The following BNIP2 variants were observed in gnomAD, a reference collection of about 807,000 sequenced individuals.
The protein encoded by BNIP2 is BCL2 interacting protein 2.
BNIP2 carries 36 observed loss-of-function variants against 43.4 expected under a neutral mutation model. That is an observed-to-expected ratio of 0.83 (90% CI 0.64 to 1.10). The LOEUF is 1.10. Ranked by LOEUF, BNIP2 falls within the 50% of genes least tolerant of loss-of-function variation. BNIP2 has a pLI of 0.00. For synonymous variants in BNIP2, 146 were observed against 121.0 expected (o/e 1.21, Z -1.35); for missense variants, 417 against 374.1 (o/e 1.11, Z -0.95).
intron 7 of BNIP2, 108 bp downstream of exon 7, chr15:59,671,073 CAA>C (rs56337803): frequency 6.4e-4 from 526 of 821,942 alleles, no homozygotes; most frequent in East Asian, 1.7e-3. Flanking sequence ...AACTCCGTCT[CAA>C]AAAAAAAAAA....
chr15:59,688,891 G>C, intron 1 of BNIP2: 1 of 1,477,268 alleles, frequency 6.8e-7, no homozygotes, highest in Non-Finnish European at 8.9e-7. Flanking sequence ...ACGGAAAAGC[G>C]ACGGGGTGGG....
Position 59,662,385 on chromosome 15 carries a change from C to T in BNIP2, c.*1684G>A, listed in dbSNP as rs184740343. The stretch of plus-strand genomic sequence containing the variant: ...TCCTAAAATGTGAGCAAGCAATAAT[C>T]GTTTTGGCTCAATTCACTGTAATGA... On this transcript the variant is annotated 3_prime_UTR_variant, in exon 10 of 10. Transcript: ENST00000607373. The T allele has an allele frequency of 6.6e-6, 1 of 152,182 alleles. No individual in the cohort carries two copies. Among genetic ancestry groups the T allele is most frequent in the Non-Finnish European group, 1.5e-5 (1 of 68,042 alleles). The allele number at this position is 152,182 out of a possible 1,614,324, so 9.4% of individuals were successfully genotyped here.
chr15:59,680,976 T>C lies in BNIP2; in HGVS notation c.51-668A>G, dbSNP rs6151500. On this transcript the variant is annotated intron_variant, in intron 2 of 9. Transcript: ENST00000607373. ...TATAAGTAACACATAAAAGTAGATA[T>C]AAATTCCTTATGCAACAGCTCTTAT... Among the ~76,000 whole-genome samples the C allele has an allele frequency of 3.6e-3, 541 of 152,344 alleles. 1 individual carries two copies. The highest frequency in any genetic ancestry group is 0.012 in the African/African-American group (511 of 41,578).
rs545873610 is a variant in BNIP2 at position 59,680,958 on chromosome 15, AAC to A, written c.51-652_51-651del. Among the ~76,000 whole-genome samples the A allele has an allele frequency of 3.1e-3, 467 of 152,358 alleles. 3 individuals are homozygous for A. The highest frequency in any genetic ancestry group is 5.1e-3 in the Non-Finnish European group (346 of 68,032). The stretch of plus-strand genomic sequence containing the variant: ...ACTTATACACTTATTATATATAAGT[AAC>A]ACATAAAAGTAGATATAAATTCCTT... On this transcript the variant is annotated intron_variant, in intron 2 of 9. Transcript: ENST00000607373.
intron 7 of BNIP2, 97 bp from the exon 8 acceptor site, chr15:59,669,459 C>T (rs565344801): frequency 1.1e-6 from 1 of 872,372 alleles, no homozygotes; most frequent in African/African-American, 1.8e-5. Context: ...GTTGAAAAAT[C>T]TCACCCAAAA....
intron 4 of BNIP2, chr15:59,678,857 A>T (rs1182521478): frequency 7.7e-6 from 10 of 1,302,850 alleles, no homozygotes; most frequent in African/African-American, 3.0e-5. Context: ...TAAAGAAAGA[A>T]GAGACAAAAC....
chr15:59,680,562 C>T (rs180773638), intron 2 of BNIP2, among the ~76,000 whole-genome samples: 194 of 152,186 alleles, frequency 1.3e-3, no homozygotes, highest in African/African-American at 4.4e-3. Context: ...GTGCGTGCCA[C>T]GACGCTTGGC....
chr15:59,670,172 G>A (rs563639734), intron 7 of BNIP2, among the ~76,000 whole-genome samples: 38 of 152,356 alleles, frequency 2.5e-4, no homozygotes, highest in African/African-American at 9.1e-4. Context: ...GCTCATGCCT[G>A]TAATCCTAGC....
chr15:59,665,047 C>CTT (rs1454836475), intron 9 of BNIP2, among the ~76,000 whole-genome samples: 1 of 151,922 alleles, frequency 6.6e-6, no homozygotes, highest in Non-Finnish European at 1.5e-5. Context: ...GGGTGGATCA[C>CTT]GAGGTCAGGA....
At chr15:59,683,727 G>A (rs1183537079) in intron 1 of BNIP2, among the ~76,000 whole-genome samples, 1 of 152,190 alleles carries the variant, frequency 6.6e-6, no homozygotes, top group Admixed American at 6.5e-5. Flanking sequence ...GCTGAGGCAG[G>A]AGAATCGCTT....
intron 2 of BNIP2, among the ~76,000 whole-genome samples, 161 bp from the exon 3 acceptor site, chr15:59,680,469 C>A (rs552293599): frequency 5.0e-4 from 76 of 152,100 alleles, no homozygotes; most frequent in African/African-American, 1.6e-3. Flanking sequence ...GTCACCTAGG[C>A]TGGAATACAA....
chr15:59,688,962 G>C (rs1894205607), intron 1 of BNIP2, 173 bp downstream of exon 1: 3 of 1,441,658 alleles, frequency 2.1e-6, no homozygotes, highest in Non-Finnish European at 1.8e-6. Flanking sequence ...AGCAGGGCGG[G>C]GATCCAGGAA....
rs6151475 is a variant in BNIP2, at chr15:59,683,477, A to G, written c.-57-963T>C. ...CTTTTCTTTTTGCAGTAACATATTT[A>G]AGAGATACGGAGCATCACTAGCAGT... On this transcript the variant is annotated intron_variant, in intron 1 of 9. Transcript: ENST00000607373. 4.1e-3 allele frequency among the ~76,000 whole-genome samples: 627 copies of G among 152,328 alleles called. 2 individuals carry two copies. The highest frequency in any genetic ancestry group is 5.7e-3 in the Non-Finnish European group (388 of 68,034).
chr15:59,669,360 A>C lies in BNIP2; in HGVS notation c.710T>G (p.Leu237Ter). The change falls in exon 8 of 10, where the codon TTA becomes TGA. Residue 237 changes from leucine (L) to a stop codon, truncating the protein, a stop_gained and splice_region_variant. Transcript: ENST00000607373. LOFTEE classifies it high-confidence loss of function. The stretch of plus-strand genomic sequence containing the variant: ...GATTAGGGATTTTAGATTTTTCCGT[A>C]ACCTGGAGTTTAAAAAAAAAACACA... ...RKCYQQIDRRLRKNLKSLIIV... is the reference protein window; with the variant it reads ...RKCYQQIDRR 2 of 1,507,218 alleles carry C rather than the reference A, an allele frequency of 1.3e-6. No homozygotes were observed. The highest frequency in any genetic ancestry group is 1.8e-6 in the Non-Finnish European group (2 of 1,129,622). 93.4% of individuals were successfully genotyped at this position (1,507,218 alleles called of 1,614,324 possible).
chr15:59,668,399 G>A (rs1892691784), intron 9 of BNIP2, among the ~76,000 whole-genome samples: 1 of 152,124 alleles, frequency 6.6e-6, no homozygotes. Flanking sequence ...CTTCTACCAA[G>A]TCCAAGAAGT....
intron 1 of BNIP2, among the ~76,000 whole-genome samples, chr15:59,683,789 A>G (rs1275270210): frequency 2.6e-5 from 4 of 152,248 alleles, no homozygotes; most frequent in African/African-American, 9.6e-5. Flanking sequence ...ATTGCACTCC[A>G]GTCTGGGTGA....
rs1009445546 is a variant in BNIP2, at chr15:59,679,853, T to C, written c.119-85A>G. 6.8e-6 allele frequency: 8 copies of C among 1,170,004 alleles called. 1 individual carries two copies. Among genetic ancestry groups the C allele is most frequent in the South Asian group, 5.7e-5 (3 of 52,200 alleles). The allele number at this position is 1,170,004 out of a possible 1,614,324, so 72.5% of individuals were successfully genotyped here. ...AATAAGAAAAATTTTAACTACCCCA[T>C]TCTTGGGAAAAAATAATATTAATTG... is the stretch of plus-strand genomic sequence containing the variant. On this transcript the variant is annotated intron_variant, in intron 3 of 9. Coordinates refer to ENST00000607373, the MANE Select transcript of BNIP2 (RefSeq NM_004330.4).
At chr15:59,666,177 C>A (rs1008964726) in intron 9 of BNIP2, among the ~76,000 whole-genome samples, 1 of 152,174 alleles carries the variant, frequency 6.6e-6, no homozygotes, top group African/African-American at 2.4e-5. Context: ...ACTGGGGACA[C>A]TGGATCTCCC....
intron 2 of BNIP2, among the ~76,000 whole-genome samples, chr15:59,682,036 T>C (rs1893711427): frequency 6.6e-6 from 1 of 152,178 alleles, no homozygotes; most frequent in South Asian, 2.1e-4. Context: ...ACTGAGTTTC[T>C]CAGTGACATC....
Sources: gnomAD v4.1 joint callset for allele counts (sites outside exome capture counted in the v4.1 genomes callset) on GRCh38, gnomAD v4.1.1 for gene constraint, MANE v1.5 for transcripts, NCBI Gene and HGNC (gene_info 2026-07-23, HGNC 2026-07-21) for gene names.